The following ADAMTS17 variants were observed in gnomAD, a reference collection of about 807,000 sequenced individuals.
The protein encoded by ADAMTS17 is A disintegrin and metalloproteinase with thrombospondin motifs 17.
A neutral mutation model predicts 141.5 loss-of-function variants in ADAMTS17; 113 were observed. The ratio of observed to expected loss-of-function variants is 0.80; its 90% CI spans 0.69 to 0.93. The LOEUF (loss-of-function observed/expected upper bound fraction) is 0.93. ADAMTS17 is among the 40% of genes least tolerant of loss of function. The pLI is 0.00. For synonymous variants in ADAMTS17, 768 were observed against 630.6 expected, an observed-to-expected ratio of 1.22 and a Z score of -3.27; for missense variants, 1,659 against 1,517.9, an observed-to-expected ratio of 1.09 and a Z score of -1.54.
Position 99,971,546 on chromosome 15 carries a change from TTTTTCCTTTCA to T in ADAMTS17, c.*2845_*2855del, listed in dbSNP as rs1191569481. 1 of 152,256 alleles carries T rather than the reference TTTTTCCTTTCA, an allele frequency of 6.6e-6. No homozygotes were observed. Among genetic ancestry groups the T allele is most frequent in the Non-Finnish European group, 1.5e-5 (1 of 68,050 alleles). 9.4% of individuals were successfully genotyped at this position (152,256 alleles called of 1,614,324 possible). On this transcript the variant is annotated 3_prime_UTR_variant, in exon 22 of 22. Transcript: ENST00000268070. ...GGCGTCCAATGTTTGTCTTCCGTTT[TTTTTCCTTTCA>T]AAACCAGCCCCAAAAAGTAAAACAA... is the stretch of plus-strand genomic sequence containing the variant.
chr15:100,029,813 G>C (rs1379062552), intron 18 of ADAMTS17, among the ~76,000 whole-genome samples: 1 of 152,210 alleles, frequency 6.6e-6, no homozygotes, highest in Admixed American at 6.5e-5. Context: ...AAAATGTCAA[G>C]GGACCTTCGT....
chr15:100,155,022 C>G (rs1302884286), intron 9 of ADAMTS17, among the ~76,000 whole-genome samples, 158 bp downstream of exon 9: 1 of 152,218 alleles, frequency 6.6e-6, no homozygotes, highest in African/African-American at 2.4e-5. Flanking sequence ...GATGTCCTTG[C>G]CATTATAGGA....
At chr15:100,102,642 G>C (rs2036186393) in intron 14 of ADAMTS17, among the ~76,000 whole-genome samples, 1 of 152,150 alleles carries the variant, frequency 6.6e-6, no homozygotes, top group Non-Finnish European at 1.5e-5. Context: ...TTTGAAGCTG[G>C]GCACTGCTGC....
chr15:100,077,730 C>G (rs2034476451), intron 15 of ADAMTS17, among the ~76,000 whole-genome samples: 1 of 152,160 alleles, frequency 6.6e-6, no homozygotes, highest in Non-Finnish European at 1.5e-5. Flanking sequence ...TCCTGCTACT[C>G]CCATTCAACA....
chr15:100,031,378 G>C (rs933068833), intron 18 of ADAMTS17, among the ~76,000 whole-genome samples: 1 of 152,224 alleles, frequency 6.6e-6, no homozygotes, highest in Non-Finnish European at 1.5e-5. Flanking sequence ...GTAAAGGAAA[G>C]ATTTAAAATA....
intron 8 of ADAMTS17, among the ~76,000 whole-genome samples, chr15:100,176,655 C>A (rs1358296133): frequency 6.6e-6 from 1 of 152,160 alleles, no homozygotes; most frequent in Non-Finnish European, 1.5e-5. Flanking sequence ...TGCGTTCATT[C>A]ATATGTGTAG....
chr15:100,107,422 G>A (rs2036478443), intron 14 of ADAMTS17, among the ~76,000 whole-genome samples: 1 of 152,156 alleles, frequency 6.6e-6, no homozygotes, highest in African/African-American at 2.4e-5. Context: ...ACTAGCTCTT[G>A]GTGGGCTCCC....
At position 100,317,984 on chromosome 15, in the gene ADAMTS17, G is replaced by C. The variant is rs535943181; in HGVS notation, c.616+12905C>G. ...AATGGGACATGTGCTTTTCAGTAGCGACCCGAATGCCAGAGGGACTGAGGG... is the reference window on the plus strand; with the variant it reads ...AATGGGACATGTGCTTTTCAGTAGCCACCCGAATGCCAGAGGGACTGAGGG... On this transcript the variant is annotated intron_variant, in intron 3 of 21. Transcript: ENST00000268070. Among the ~76,000 whole-genome samples, 3 of 152,238 alleles carry C rather than the reference G, an allele frequency of 2.0e-5. No individual in the cohort carries two copies. The South Asian group carries it at 6.2e-4, about 32-fold the overall frequency.
At position 100,211,977 on chromosome 15, in the gene ADAMTS17, T is replaced by C. The variant is rs141396492; in HGVS notation, c.1076-12554A>G. Among the ~76,000 whole-genome samples the C allele has an allele frequency of 4.0e-3, 604 of 152,180 alleles. 5 individuals are homozygous for C. Among genetic ancestry groups the C allele is most frequent in the African/African-American group, 0.013 (556 of 41,512 alleles). ...GTGTAGAAGTCAGGAAGTGGTTATA[T>C]CCTGGGAAGTGGCAGGTCACCATCC... On this transcript the variant is annotated intron_variant, in intron 7 of 21. Transcript: ENST00000268070.
At chr15:100,144,228 T>C (rs967332553) in intron 10 of ADAMTS17, among the ~76,000 whole-genome samples, 6 of 152,202 alleles carry the variant, frequency 3.9e-5, no homozygotes, top group African/African-American at 1.4e-4. Context: ...TTTTGAGATG[T>C]TGGCCACAAT....
At chr15:100,161,617 T>G (rs2039696832) in intron 8 of ADAMTS17, among the ~76,000 whole-genome samples, 1 of 152,230 alleles carries the variant, frequency 6.6e-6, no homozygotes, top group African/African-American at 2.4e-5. Flanking sequence ...TATTTGTTAT[T>G]GCTAATCAAC....
At chr15:100,012,272 A>G (rs546529073) in intron 18 of ADAMTS17, among the ~76,000 whole-genome samples, 2 of 152,278 alleles carry the variant, frequency 1.3e-5, no homozygotes, top group East Asian at 3.9e-4. Flanking sequence ...AGTTCATTGT[A>G]GATTTTGGAT....
chr15:100,066,436 C>T (rs1320753592), intron 15 of ADAMTS17, among the ~76,000 whole-genome samples: 1 of 151,784 alleles, frequency 6.6e-6, no homozygotes, highest in African/African-American at 2.4e-5. Context: ...TTTACATAAA[C>T]ATTTATCATT....
chr15:100,133,389 T>C (rs1820312229), intron 10 of ADAMTS17, 74 bp from the exon 11 acceptor site: 2 of 1,434,988 alleles, frequency 1.4e-6, no homozygotes, highest in Non-Finnish European at 1.9e-6. Context: ...GTCAGAGGTG[T>C]GGCCCAACCA....
intron 14 of ADAMTS17, among the ~76,000 whole-genome samples, chr15:100,105,399 T>C (rs564326344): frequency 8.5e-5 from 13 of 152,294 alleles, no homozygotes; most frequent in Middle Eastern, 6.8e-3. Flanking sequence ...GCAATGATGA[T>C]GACAATGGTG....
intron 4 of ADAMTS17, among the ~76,000 whole-genome samples, chr15:100,275,161 C>T (rs2044037576): frequency 6.6e-6 from 1 of 152,186 alleles, no homozygotes; most frequent in South Asian, 2.1e-4. Context: ...GGAACTCGTT[C>T]CACAAGGCAC....
chr15:100,135,929 C>T (rs62038612), intron 10 of ADAMTS17, among the ~76,000 whole-genome samples: 19,379 of 152,196 alleles, frequency 0.13, 1,506 homozygotes, highest in Admixed American at 0.2. Flanking sequence ...TGGAGAGCAC[C>T]GCTCATTGGG....
intron 7 of ADAMTS17, among the ~76,000 whole-genome samples, chr15:100,224,257 T>C (rs1361018472): frequency 1.3e-5 from 2 of 152,136 alleles, no homozygotes; most frequent in African/African-American, 4.8e-5. Context: ...TGGAGTGTAC[T>C]TGGCGATTAC....
At chr15:100,215,300 G>A (rs1289337915) in intron 7 of ADAMTS17, among the ~76,000 whole-genome samples, 1 of 152,138 alleles carries the variant, frequency 6.6e-6, no homozygotes, top group Non-Finnish European at 1.5e-5. Flanking sequence ...CGATTTTCCT[G>A]GACTCTTTGT....
Sources: allele counts gnomAD v4.1 joint callset (sites outside exome capture counted in the v4.1 genomes callset), GRCh38; gene constraint gnomAD v4.1.1; transcripts MANE v1.5; gene names NCBI Gene and HGNC (gene_info 2026-07-23, HGNC 2026-07-21).